The following GAS2L3 variants were observed in gnomAD, a reference collection of about 807,000 sequenced individuals.
GAS2L3 encodes the protein growth arrest specific 2 like 3, also known as GAS2-like protein 3.
Under a neutral mutation model 37.0 loss-of-function variants are expected in GAS2L3, and 28 were observed. The ratio of observed to expected loss-of-function variants is 0.76; its 90% CI spans 0.56 to 1.04. GAS2L3 has a LOEUF of 1.04. Ranked by LOEUF, GAS2L3 falls within the 50% of genes least tolerant of loss-of-function variation. The pLI, the probability that GAS2L3 is intolerant of heterozygous loss-of-function variation, is 0.00. For missense variants in GAS2L3, 793 were observed against 817.6 expected (o/e 0.97, Z 0.37); for synonymous variants, 290 against 296.6 (o/e 0.98, Z 0.23).
intron 4 of GAS2L3, 43 bp downstream of exon 4, chr12:100,600,593 A>G (rs368063453): frequency 4.9e-6 from 7 of 1,430,782 alleles, no homozygotes; most frequent in Non-Finnish European, 6.9e-6. Flanking sequence ...ATCTTATTCA[A>G]TATGCATTTA....
At chr12:100,594,560 C>T (rs1955886722) in intron 2 of GAS2L3, among the ~76,000 whole-genome samples, 1 of 151,718 alleles carries the variant, frequency 6.6e-6, no homozygotes, top group South Asian at 2.1e-4. Flanking sequence ...TTCTGGGAGA[C>T]TTTTATATGA....
At chr12:100,615,804 A>G (rs1351800912) in intron 6 of GAS2L3, among the ~76,000 whole-genome samples, 1 of 152,166 alleles carries the variant, frequency 6.6e-6, no homozygotes, top group Non-Finnish European at 1.5e-5. Context: ...ACATAAATGT[A>G]TGGGTTTATT....
chr12:100,579,611 A>G, intron 1 of GAS2L3: 1 of 774,938 alleles, frequency 1.3e-6, no homozygotes, highest in Non-Finnish European at 2.4e-6. Flanking sequence ...TGGGAGCTTT[A>G]GAACACAAGA....
intron 4 of GAS2L3, among the ~76,000 whole-genome samples, chr12:100,601,319 G>T (rs1955986484): frequency 6.6e-6 from 1 of 151,956 alleles, no homozygotes; most frequent in African/African-American, 2.4e-5. Context: ...TTTTAAAATT[G>T]CAACCAAGTC....
chr12:100,605,535 G>A (rs375684516), intron 5 of GAS2L3, among the ~76,000 whole-genome samples: 34 of 151,548 alleles, frequency 2.2e-4, no homozygotes, highest in African/African-American at 7.7e-4. Context: ...TACTAATTTC[G>A]AGTTGATTTG....
intron 1 of GAS2L3, among the ~76,000 whole-genome samples, chr12:100,580,649 A>G (rs964456679): frequency 1.3e-5 from 2 of 152,184 alleles, no homozygotes; most frequent in Non-Finnish European, 1.5e-5. Context: ...AGTCATGTTT[A>G]TATACATTTA....
intron 5 of GAS2L3, among the ~76,000 whole-genome samples, chr12:100,602,470 T>C (rs1014048453): frequency 1.3e-5 from 2 of 151,722 alleles, no homozygotes; most frequent in Non-Finnish European, 2.9e-5. Flanking sequence ...ATATAATATA[T>C]ATATCACTGA....
At chr12:100,594,469 A>G (rs190664304) in intron 2 of GAS2L3, among the ~76,000 whole-genome samples, 1 of 152,166 alleles carries the variant, frequency 6.6e-6, no homozygotes, top group Non-Finnish European at 1.5e-5. Context: ...CTTTGATGAC[A>G]GTCAGATAAA....
Position 100,624,905 on chromosome 12 carries a change from TAA to T in GAS2L3, c.*21_*22del, listed in dbSNP as rs762640768. 12 of 1,511,916 alleles carry T rather than the reference TAA, an allele frequency of 7.9e-6. No homozygotes were observed. Among genetic ancestry groups the T allele is most frequent in the Non-Finnish European group, 1.1e-5 (12 of 1,113,440 alleles). The allele number at this position is 1,511,916 out of a possible 1,614,324, so 93.7% of individuals were successfully genotyped here. A position where few individuals can be genotyped will look rare whatever the true frequency, so the allele number is the denominator to read the frequency against. On this transcript the variant is annotated 3_prime_UTR_variant, in exon 10 of 10. Transcript: ENST00000547754. ...CTAGAAAATAAATACATACTCATTA[TAA>T]AAAAAGAGAAAAGGAAGAATGAATG...
chr12:100,579,932 G>T, intron 1 of GAS2L3: 1 of 772,402 alleles, frequency 1.3e-6, no homozygotes, highest in South Asian at 1.4e-5. Flanking sequence ...CTGAAAAAGC[G>T]TATGACCAAG....
chr12:100,588,251 G>C (rs1955804865), intron 1 of GAS2L3, among the ~76,000 whole-genome samples: 1 of 152,018 alleles, frequency 6.6e-6, no homozygotes, highest in Admixed American at 6.5e-5. Context: ...ATAAGTGTCG[G>C]CTGACTGAGA....
At chr12:100,603,732 A>G (rs771176576) in intron 5 of GAS2L3, among the ~76,000 whole-genome samples, 8 of 152,134 alleles carry the variant, frequency 5.3e-5, no homozygotes, top group Non-Finnish European at 1.0e-4. Flanking sequence ...AGTTTTCCCA[A>G]TGTTTTCTTG....
At chr12:100,578,012 A>C (rs1490150556) in intron 1 of GAS2L3, among the ~76,000 whole-genome samples, 1 of 152,224 alleles carries the variant, frequency 6.6e-6, no homozygotes, top group African/African-American at 2.4e-5. Flanking sequence ...ACACTGGGCA[A>C]CCATTAAGGG....
intron 6 of GAS2L3, 28 bp from the exon 7 acceptor site, chr12:100,617,716 A>G (rs369578521): frequency 1.6e-5 from 23 of 1,441,104 alleles, no homozygotes; most frequent in Non-Finnish European, 2.1e-5. Flanking sequence ...ATTTTGCTGT[A>G]TAAAATAAGT....
intron 6 of GAS2L3, among the ~76,000 whole-genome samples, chr12:100,617,289 C>A (rs1956199871): frequency 6.6e-6 from 1 of 152,064 alleles, no homozygotes; most frequent in Non-Finnish European, 1.5e-5. Context: ...CTTCATTTGG[C>A]TACCTTTGAT....
intron 1 of GAS2L3, among the ~76,000 whole-genome samples, chr12:100,589,171 G>A (rs1055709711): frequency 2.6e-5 from 4 of 152,104 alleles, no homozygotes; most frequent in African/African-American, 7.2e-5. Context: ...ATTTATGTTC[G>A]TCTGCTGCGG....
chr12:100,578,652 T>A (rs1593156107), intron 1 of GAS2L3: 1 of 290,928 alleles, frequency 3.4e-6, no homozygotes, highest in African/African-American at 2.1e-5. Context: ...CCGTGGGAGG[T>A]CCAGACACAG....
At chr12:100,581,495 G>T (rs1400140078) in intron 1 of GAS2L3, among the ~76,000 whole-genome samples, 2 of 152,166 alleles carry the variant, frequency 1.3e-5, no homozygotes, top group Non-Finnish European at 2.9e-5. Context: ...GTGATTATGA[G>T]ATTTTAAAAA....
At chr12:100,616,431 T>A (rs1956188252) in intron 6 of GAS2L3, among the ~76,000 whole-genome samples, 1 of 152,170 alleles carries the variant, frequency 6.6e-6, no homozygotes, top group African/African-American at 2.4e-5. Context: ...TTTTTGTTTT[T>A]GTTTTTGTTG....
Sources: gnomAD v4.1 joint callset for allele counts (sites outside exome capture counted in the v4.1 genomes callset) on GRCh38, gnomAD v4.1.1 for gene constraint, MANE v1.5 for transcripts, NCBI Gene and HGNC (gene_info 2026-07-23, HGNC 2026-07-21) for gene names.